The following RIMS2 variants were observed in gnomAD, a reference collection of about 807,000 sequenced individuals.
The protein encoded by RIMS2 is regulating synaptic membrane exocytosis protein 2.
A neutral mutation model predicts 174.4 loss-of-function variants in RIMS2; 59 were observed. The ratio of observed to expected loss-of-function variants is 0.34; its 90% CI spans 0.27 to 0.42. The LOEUF (loss-of-function observed/expected upper bound fraction) is 0.42. Among genes scored for constraint, RIMS2 ranks in the 10% least tolerant of loss-of-function variants. The pLI is 1.00. For synonymous variants in RIMS2, 606 were observed against 572.5 expected, an observed-to-expected ratio of 1.06 and a Z score of -0.84; for missense variants, 1,620 against 1,666.3, an observed-to-expected ratio of 0.97 and a Z score of 0.48.
intron 2 of RIMS2, among the ~76,000 whole-genome samples, chr8:103,699,314 C>T (rs1366058236): frequency 1.3e-5 from 2 of 152,112 alleles, no homozygotes; most frequent in African/African-American, 2.4e-5. Context: ...GCAGTCTTGA[C>T]CCCCTGGGCT....
At chr8:104,227,754 T>G (rs1490845716) in intron 19 of RIMS2, among the ~76,000 whole-genome samples, 1 of 152,204 alleles carries the variant, frequency 6.6e-6, no homozygotes, top group Non-Finnish European at 1.5e-5. Context: ...TCAAATATAG[T>G]TTGGCAATCA....
chr8:103,630,999 AC>A (rs1241198648), intron 1 of RIMS2, among the ~76,000 whole-genome samples: 10 of 152,182 alleles, frequency 6.6e-5, no homozygotes. Context: ...TGGTTAAGTT[AC>A]TTGTAGATGT....
chr8:104,198,440 T>A (rs1900522), intron 19 of RIMS2, among the ~76,000 whole-genome samples: 2 of 152,208 alleles, frequency 1.3e-5, no homozygotes, highest in Admixed American at 1.3e-4. Flanking sequence ...TTCCTCCTTA[T>A]GAGAAACCAC....
intron 19 of RIMS2, chr8:104,223,372 C>T: frequency 8.3e-7 from 1 of 1,209,604 alleles, no homozygotes; most frequent in Non-Finnish European, 1.0e-6. Flanking sequence ...TCAGCTCCCT[C>T]CCGGGCGAGA....
chr8:104,055,097 T>A (rs1445755167), intron 19 of RIMS2, among the ~76,000 whole-genome samples: 1 of 152,114 alleles, frequency 6.6e-6, no homozygotes, highest in Non-Finnish European at 1.5e-5. Context: ...CTTTTAAGAA[T>A]GTACATATTA....
At chr8:104,042,564 G>A (rs1262569923) in intron 19 of RIMS2, among the ~76,000 whole-genome samples, 1 of 151,596 alleles carries the variant, frequency 6.6e-6, no homozygotes, top group African/African-American at 2.4e-5. Context: ...GAACCTACAA[G>A]TCCTGGTCAC....
intron 1 of RIMS2, among the ~76,000 whole-genome samples, chr8:103,612,237 A>T (rs942181314): frequency 6.6e-6 from 1 of 152,166 alleles, no homozygotes; most frequent in Non-Finnish European, 1.5e-5. Flanking sequence ...GCTATATTGA[A>T]TTCTCTGTCT....
intron 3 of RIMS2, among the ~76,000 whole-genome samples, chr8:103,838,619 T>A (rs902026430): frequency 4.6e-5 from 7 of 152,354 alleles, no homozygotes; most frequent in South Asian, 4.1e-4. Context: ...TCAGAGTGTC[T>A]ACCATTCTAT....
chr8:103,709,290 C>G (rs1050157514), intron 2 of RIMS2, among the ~76,000 whole-genome samples: 1 of 150,610 alleles, frequency 6.6e-6, no homozygotes, highest in Non-Finnish European at 1.5e-5. Flanking sequence ...ATTCTAACCC[C>G]CCTTGAGTCT....
chr8:103,586,715 T>C (rs1050245877), intron 1 of RIMS2, among the ~76,000 whole-genome samples: 3 of 151,812 alleles, frequency 2.0e-5, no homozygotes, highest in Non-Finnish European at 2.9e-5. Context: ...AACCCAAAAT[T>C]TGTAGAAGAA....
intron 1 of RIMS2, among the ~76,000 whole-genome samples, chr8:103,575,476 G>A (rs564689463): frequency 6.6e-6 from 1 of 152,006 alleles, no homozygotes; most frequent in Non-Finnish European, 1.5e-5. Context: ...CAAAAGAAAA[G>A]TAAAGAATGT....
At chr8:103,542,409 G>T (rs1019915794) in intron 1 of RIMS2, among the ~76,000 whole-genome samples, 1 of 152,130 alleles carries the variant, frequency 6.6e-6, no homozygotes, top group African/African-American at 2.4e-5. Flanking sequence ...TACTAAACAT[G>T]TAAAGAAGAA....
At chr8:103,797,769 T>G (rs1239143319) in intron 3 of RIMS2, among the ~76,000 whole-genome samples, 1 of 152,188 alleles carries the variant, frequency 6.6e-6, no homozygotes, top group East Asian at 1.9e-4. Flanking sequence ...ACATTCTAGC[T>G]TCATTTTAAA....
At chr8:103,588,819 T>C (rs566377768) in intron 1 of RIMS2, among the ~76,000 whole-genome samples, 3 of 151,804 alleles carry the variant, frequency 2.0e-5, no homozygotes, top group South Asian at 4.1e-4. Context: ...CAAGAAAACA[T>C]TGGGGAAGAT....
At chr8:103,787,408 A>G (rs1201736591) in intron 3 of RIMS2, among the ~76,000 whole-genome samples, 4 of 151,014 alleles carry the variant, frequency 2.6e-5, no homozygotes, top group Admixed American at 1.3e-4. Context: ...AGCAGCTGGT[A>G]CCGGTTGTTC....
intron 3 of RIMS2, among the ~76,000 whole-genome samples, chr8:103,828,350 G>T (rs534962039): frequency 6.6e-6 from 1 of 152,248 alleles, no homozygotes; most frequent in East Asian, 1.9e-4. Context: ...TCTTGATAAA[G>T]TATTCAATTT....
At position 103,958,501 on chromosome 8, in the gene RIMS2, C is replaced by T. The variant is rs2023031; in HGVS notation, c.2702-2564C>T. On this transcript the variant is annotated intron_variant, in intron 14 of 23. Coordinates refer to ENST00000504942, the Ensembl canonical transcript of RIMS2. ...TGAAATATTCTGTAAAACAAACTCT[C>T]GGGACACGAGTTGACCTATGTAACA... Among the ~76,000 whole-genome samples the T allele has an allele frequency of 3.9e-5, 6 of 152,056 alleles. No individual in the cohort carries two copies. The East Asian group carries it at 5.8e-4, about 15-fold the overall frequency.
chr8:104,060,748 C>T (rs928591951), intron 19 of RIMS2, among the ~76,000 whole-genome samples: 1 of 151,970 alleles, frequency 6.6e-6, no homozygotes, highest in African/African-American at 2.4e-5. Context: ...TGAATGTGTC[C>T]CAGAGATTGT....
intron 3 of RIMS2, among the ~76,000 whole-genome samples, chr8:103,839,101 A>G (rs1375132227): frequency 3.3e-5 from 5 of 152,040 alleles, no homozygotes; most frequent in Admixed American, 2.0e-4. Flanking sequence ...AAATTCCCCC[A>G]TCAGTTTTCC....
Sources: gnomAD v4.1 joint callset for allele counts (sites outside exome capture counted in the v4.1 genomes callset) on GRCh38, gnomAD v4.1.1 for gene constraint, MANE v1.5 for transcripts, NCBI Gene and HGNC (gene_info 2026-07-23, HGNC 2026-07-21) for gene names.